COL11A1: variants seen among roughly 807,000 people sequenced by gnomAD.
COL11A1 encodes the protein collagen type XI alpha 1 chain.
In COL11A1, 74 loss-of-function variants were observed where a neutral mutation model predicts 265.2. That is an observed-to-expected ratio of 0.28 (90% confidence interval 0.23 to 0.34). The LOEUF (loss-of-function observed/expected upper bound fraction) is 0.34, where lower values mean the gene tolerates loss of function less well. Ranked by LOEUF, COL11A1 falls within the 10% of genes least tolerant of loss-of-function variation. The pLI is 1.00. For synonymous variants in COL11A1, 816 were observed against 727.6 expected, an observed-to-expected ratio of 1.12 and a Z score of -1.96; for missense variants, 2,165 against 2,263.6, an observed-to-expected ratio of 0.96 and a Z score of 0.88.
intron 42 of COL11A1, among the ~76,000 whole-genome samples, chr1:102,941,923 A>G (rs1398482687): frequency 3.3e-5 from 5 of 152,170 alleles, no homozygotes; most frequent in African/African-American, 1.2e-4. Flanking sequence ...CAGAGTAGTC[A>G]CTTAAGGAAC....
Position 102,940,354 on chromosome 1 carries a change from G to T in COL11A1, c.3357C>A (p.Ala1119=). The T allele has an allele frequency of 1.2e-6, 2 of 1,613,790 alleles. No individual in the cohort carries two copies. The highest frequency in any genetic ancestry group is 2.2e-5 in the South Asian group (2 of 91,070). The stretch of plus-strand genomic sequence containing the variant: ...TGTCTCCGTCTTCCCCAGGGGAGCC[G>T]GCAGGACCAGCTGGCCCTGGGAGAC... ...PVGLPGPAGP[A]GSPGEDGDKG... is the part of the protein sequence containing the mutation. The change falls in exon 43 of 67, where the codon GCC becomes GCA. Residue 1119 remains alanine, a synonymous_variant. Coordinates refer to ENST00000370096, the MANE Select transcript of COL11A1 (RefSeq NM_001854.4).
At chr1:102,977,801 T>C (rs150346970) in intron 35 of COL11A1, among the ~76,000 whole-genome samples, 55 of 152,210 alleles carry the variant, frequency 3.6e-4, no homozygotes, top group African/African-American at 1.3e-3. Context: ...ATTAATTAAA[T>C]ATGAGCCAAA....
At chr1:102,889,383 CTGTGTGTGTGTG>C (rs113226085) in intron 59 of COL11A1, 60 bp downstream of exon 59, 16 of 799,962 alleles carry the variant, frequency 2.0e-5, no homozygotes, top group East Asian at 5.0e-5. Flanking sequence ...ACTTAAAGGA[CTGTGTGTGTGTG>C]TGTGTGTGTG....
chr1:102,898,189 T>A lies in COL11A1; in HGVS notation c.4249-11A>T. ...GAGACCTTGTTCTCCCTAGAGAAAA[T>A]AAAAATGATTGATTTTTAAAATTAA... On this transcript the variant is annotated splice_polypyrimidine_tract_variant and intron_variant, in intron 56 of 66. Coordinates refer to ENST00000370096, the MANE Select transcript of COL11A1 (RefSeq NM_001854.4). 7.7e-7 allele frequency: 1 copy of A among 1,298,060 alleles called. No homozygotes were observed. Among genetic ancestry groups the A allele is most frequent in the Non-Finnish European group, 9.9e-7 (1 of 1,006,102 alleles). The allele number at this position is 1,298,060 out of a possible 1,614,324, so 80.4% of individuals were successfully genotyped here.
At chr1:103,103,899 C>T (rs1674490199) in intron 1 of COL11A1, among the ~76,000 whole-genome samples, 1 of 151,930 alleles carries the variant, frequency 6.6e-6, no homozygotes, top group African/African-American at 2.4e-5. Context: ...CTACTAAGTT[C>T]TCTCCTCTCA....
intron 14 of COL11A1, among the ~76,000 whole-genome samples, chr1:103,010,133 T>C (rs1665979238): frequency 6.6e-6 from 1 of 152,196 alleles, no homozygotes; most frequent in Non-Finnish European, 1.5e-5. Context: ...TGTTTTATGA[T>C]ACAGTCCTCC....
At chr1:102,967,949 G>T (rs1304321825) in intron 37 of COL11A1, among the ~76,000 whole-genome samples, 1 of 152,180 alleles carries the variant, frequency 6.6e-6, no homozygotes, top group Non-Finnish European at 1.5e-5. Flanking sequence ...ATCCTAAGGG[G>T]AGAGAGGAAG....
intron 4 of COL11A1, among the ~76,000 whole-genome samples, chr1:103,058,392 G>C (rs534902500): frequency 6.0e-4 from 91 of 152,176 alleles, no homozygotes; most frequent in African/African-American, 2.1e-3. Flanking sequence ...AGACTGTTTT[G>C]CTTCCTTACC....
intron 54 of COL11A1, 62 bp downstream of exon 54, chr1:102,912,097 T>C: frequency 7.5e-7 from 1 of 1,337,452 alleles, no homozygotes; most frequent in Non-Finnish European, 1.1e-6. Context: ...ACACACATTA[T>C]ATAAATTTAT....
At chr1:103,079,717 G>A (rs10874677) in intron 2 of COL11A1, among the ~76,000 whole-genome samples, 91,004 of 151,724 alleles carry the variant, frequency 0.6, 29,513 homozygotes, top group East Asian at 0.91. Context: ...TATAAATAAA[G>A]CAAGCATTAT....
chr1:102,969,140 A>C (rs970913515), intron 37 of COL11A1, among the ~76,000 whole-genome samples: 1 of 152,200 alleles, frequency 6.6e-6, no homozygotes, highest in Non-Finnish European at 1.5e-5. Context: ...ATCATATTTC[A>C]ATTTTGCTTT....
rs1667443898 is a variant in COL11A1, at chr1:103,025,541, G to T, written c.970C>A (p.His324Asn). 1 of 1,612,778 alleles carries T rather than the reference G, an allele frequency of 6.2e-7. No individual in the cohort carries two copies. The highest frequency in any genetic ancestry group is 8.5e-7 in the Non-Finnish European group (1 of 1,179,038). The stretch of plus-strand genomic sequence containing the variant: ...ATTACCTCATTTGTCCCAGAAACAT[G>T]CCTAGGAGCTTCTGTCTGGTAACTT... ...MESYQTEAPR[H>N]VSGTNEPNPV... Residue 324 changes from histidine to asparagine, a missense_variant, in exon 7 of 67, where the codon CAT (histidine) becomes AAT (asparagine). His to Asn is a moderately conservative substitution (Grantham distance 68, BLOSUM62 1). Coordinates refer to ENST00000370096, the MANE Select transcript of COL11A1 (RefSeq NM_001854.4).
At position 103,108,216 on chromosome 1, in the gene COL11A1, C is replaced by G; in HGVS notation, c.-38G>C. On this transcript the variant is annotated 5_prime_UTR_variant, in exon 1 of 67. Coordinates refer to ENST00000370096, the MANE Select transcript of COL11A1 (RefSeq NM_001854.4). Reference sequence around the variant, plus strand: ...CACTCACAACTGTGAACTCAACCCACGAAATTGCGACTGCAGACCAACTTC... The same window carrying G: ...CACTCACAACTGTGAACTCAACCCAGGAAATTGCGACTGCAGACCAACTTC... 1 of 1,565,554 alleles carries G rather than the reference C, an allele frequency of 6.4e-7. No individual in the cohort carries two copies. Among genetic ancestry groups the G allele is most frequent in the Non-Finnish European group, 8.8e-7 (1 of 1,137,408 alleles).
At chr1:102,879,950 C>G in intron 65 of COL11A1, 34 bp from the exon 66 acceptor site, 1 of 1,310,364 alleles carries the variant, frequency 7.6e-7, no homozygotes, top group Non-Finnish European at 1.1e-6. Context: ...CACCTAATGA[C>G]TCTTTTCCTC....
intron 54 of COL11A1, among the ~76,000 whole-genome samples, chr1:102,906,567 C>A (rs954779473): frequency 6.6e-6 from 1 of 152,010 alleles, no homozygotes; most frequent in Middle Eastern, 3.2e-3. Flanking sequence ...GCCACCACAC[C>A]TGGGTAATTT....
At position 103,108,417 on chromosome 1, in the gene COL11A1, C is replaced by G. The variant is rs1329512382; in HGVS notation, c.-239G>C. The stretch of plus-strand genomic sequence containing the variant: ...GCCGGGACCCTCCGGCCGCGACCCT[C>G]TGATCCTTCCTCTGCCGGGCCCTGC... On this transcript the variant is annotated 5_prime_UTR_variant, in exon 1 of 67. Coordinates refer to ENST00000370096, the MANE Select transcript of COL11A1 (RefSeq NM_001854.4). The G allele has an allele frequency of 1.6e-6, 1 of 607,588 alleles. No individual in the cohort carries two copies. Among genetic ancestry groups the G allele is most frequent in the East Asian group, 2.7e-5 (1 of 36,510 alleles). The allele number at this position is 607,588 out of a possible 1,614,324, so 37.6% of individuals were successfully genotyped here. A position where few individuals can be genotyped will look rare whatever the true frequency, so the allele number is the denominator to read the frequency against.
chr1:102,936,572 C>T (rs1413827596), intron 44 of COL11A1, among the ~76,000 whole-genome samples: 1 of 152,076 alleles, frequency 6.6e-6, no homozygotes, highest in African/African-American at 2.4e-5. Flanking sequence ...GTCTCATCTG[C>T]CATTGCAGGC....
chr1:102,961,901 C>T lies in COL11A1; in HGVS notation c.3133G>A (p.Gly1045Arg). 1 of 1,613,154 alleles carries T rather than the reference C, an allele frequency of 6.2e-7. No individual in the cohort carries two copies. The highest frequency in any genetic ancestry group is 8.5e-7 in the Non-Finnish European group (1 of 1,179,642). The change falls in exon 41 of 67, where the codon GGA becomes AGA. Residue 1045 changes from glycine to arginine, a missense_variant. Gly to Arg is a moderately radical substitution (Grantham distance 125). Coordinates refer to ENST00000370096, the MANE Select transcript of COL11A1 (RefSeq NM_001854.4). The part of the protein sequence containing the change: ...PGAQGAPGLK[G>R]GEGPQGPPGP... Reference sequence around the variant, plus strand: ...GGTGGGCCCTGGGGACCTTCCCCTCCTTTCAGTCCAGGTGCACCCTGGGAA... The same window carrying T: ...GGTGGGCCCTGGGGACCTTCCCCTCTTTTCAGTCCAGGTGCACCCTGGGAA...
intron 55 of COL11A1, 22 bp downstream of exon 55, chr1:102,898,917 ATG>A: frequency 8.6e-7 from 1 of 1,167,428 alleles, no homozygotes; most frequent in Non-Finnish European, 1.2e-6. Flanking sequence ...AATATATATT[ATG>A]TATATATTAT....
Sources: gnomAD v4.1 joint callset for allele counts (sites outside exome capture counted in the v4.1 genomes callset) on GRCh38, gnomAD v4.1.1 for gene constraint, MANE v1.5 for transcripts, NCBI Gene and HGNC (gene_info 2026-07-23, HGNC 2026-07-21) for gene names.